DLG2: variants seen among roughly 807,000 people sequenced by gnomAD.
The protein encoded by DLG2 is disks large homolog 2.
In DLG2, 45 loss-of-function variants were observed where a neutral mutation model predicts 132.5. The ratio of observed to expected loss-of-function variants is 0.34; its 90% CI spans 0.27 to 0.44. The LOEUF (loss-of-function observed/expected upper bound fraction) is 0.44, where lower values mean the gene tolerates loss of function less well. Ranked by LOEUF, DLG2 falls within the 20% of genes least tolerant of loss-of-function variation. The pLI is 1.00. For missense variants in DLG2, 1,045 were observed against 1,196.9 expected (o/e 0.87, Z 1.87); for synonymous variants, 424 against 419.6 (o/e 1.01, Z -0.13).
chr11:84,960,494 GGC>G (rs2052391398), intron 6 of DLG2, among the ~76,000 whole-genome samples: 6 of 150,492 alleles, frequency 4.0e-5, no homozygotes, highest in African/African-American at 1.5e-4. Context: ...GGAGTGCACT[GGC>G]GCAATCTCGG....
At chr11:85,196,737 C>T (rs1327592194) in intron 4 of DLG2, among the ~76,000 whole-genome samples, 2 of 152,164 alleles carry the variant, frequency 1.3e-5, no homozygotes, top group African/African-American at 4.8e-5. Flanking sequence ...GCTTTAAGAA[C>T]ATATATCCAC....
intron 19 of DLG2, chr11:83,631,447 T>A (rs2063544707): frequency 6.6e-6 from 1 of 152,050 alleles, no homozygotes; most frequent in South Asian, 2.1e-4. Flanking sequence ...TATTTTTGAG[T>A]CTCATTAAAA....
chr11:84,646,591 C>T (rs2099675224), intron 6 of DLG2, among the ~76,000 whole-genome samples: 1 of 150,440 alleles, frequency 6.6e-6, no homozygotes, highest in African/African-American at 2.4e-5. Flanking sequence ...AACCAGAATC[C>T]AAAGCTTCAT....
intron 22 of DLG2, among the ~76,000 whole-genome samples, chr11:83,482,040 A>G (rs1467362403): frequency 6.6e-6 from 1 of 152,110 alleles, no homozygotes; most frequent in Non-Finnish European, 1.5e-5. Flanking sequence ...TGTCCAGATA[A>G]TGCTGAAATC....
chr11:84,154,501 G>T (rs1596276686), intron 9 of DLG2, among the ~76,000 whole-genome samples: 2 of 152,082 alleles, frequency 1.3e-5, no homozygotes, highest in African/African-American at 4.8e-5. Flanking sequence ...TTTACATACA[G>T]ATAGATACTT....
chr11:85,473,029 G>A (rs1374731179), intron 3 of DLG2, among the ~76,000 whole-genome samples: 1 of 152,238 alleles, frequency 6.6e-6, no homozygotes, highest in Non-Finnish European at 1.5e-5. Context: ...AGTTTTGGGG[G>A]CACCACTGCT....
intron 17 of DLG2, among the ~76,000 whole-genome samples, chr11:83,810,985 T>C (rs564703986): frequency 3.4e-4 from 51 of 152,232 alleles, no homozygotes; most frequent in Non-Finnish European, 5.6e-4. Context: ...GTCCTGACGC[T>C]AACTGGTATT....
intron 9 of DLG2, among the ~76,000 whole-genome samples, chr11:84,144,835 G>T (rs187430396): frequency 2.0e-5 from 3 of 152,266 alleles, no homozygotes; most frequent in Admixed American, 6.5e-5. Flanking sequence ...TTTTTTGCCA[G>T]CCTGAGAGTT....
chr11:85,404,132 A>ACT, intron 3 of DLG2, among the ~76,000 whole-genome samples: 1 of 152,026 alleles, frequency 6.6e-6, no homozygotes, highest in East Asian at 1.9e-4. Flanking sequence ...ATTAGAAGAT[A>ACT]AGGGTAGGAT....
intron 7 of DLG2, among the ~76,000 whole-genome samples, chr11:84,293,162 C>T (rs527885716): frequency 2.0e-5 from 3 of 151,240 alleles, no homozygotes; most frequent in East Asian, 1.9e-4. Context: ...GGGTGTGGGG[C>T]GGGTGGTGTG....
At chr11:84,856,385 C>A (rs577090811) in intron 6 of DLG2, among the ~76,000 whole-genome samples, 11 of 152,200 alleles carry the variant, frequency 7.2e-5, no homozygotes, top group African/African-American at 2.4e-4. Context: ...AGGTTCCCTT[C>A]AGCCACCAGC....
intron 4 of DLG2, among the ~76,000 whole-genome samples, chr11:85,242,439 T>C (rs1360439971): frequency 6.6e-6 from 1 of 151,950 alleles, no homozygotes; most frequent in East Asian, 1.9e-4. Context: ...TTCTTAATTC[T>C]TACTTCTGTG....
At chr11:84,492,356 T>G (rs1331050024) in intron 7 of DLG2, among the ~76,000 whole-genome samples, 1 of 152,002 alleles carries the variant, frequency 6.6e-6, no homozygotes, top group Non-Finnish European at 1.5e-5. Context: ...GTCAGTAGAG[T>G]GGGTGATATA....
In DLG2 at chr11:85,284,639, A is replaced by G. The variant is rs913193374; in HGVS notation, c.186+581T>C. Among the ~76,000 whole-genome samples, 6 of 151,936 alleles carry G rather than the reference A, an allele frequency of 3.9e-5. 1 individual carries two copies. Among genetic ancestry groups the G allele is most frequent in the African/African-American group, 1.4e-4 (6 of 41,392 alleles). On this transcript the variant is annotated intron_variant, in intron 4 of 27. Transcript: ENST00000376104. ...TGTTGATTTTTAACAGTAGTGTCCA[A>G]ACTGTTTGATTCCATAATTCTATTT...
intron 7 of DLG2, among the ~76,000 whole-genome samples, chr11:84,486,355 G>A (rs1324721127): frequency 6.6e-6 from 1 of 152,038 alleles, no homozygotes; most frequent in Non-Finnish European, 1.5e-5. Flanking sequence ...GGTTAGACTT[G>A]GTTGGAATAA....
intron 9 of DLG2, among the ~76,000 whole-genome samples, chr11:84,112,152 G>A (rs1015934284): frequency 1.3e-5 from 2 of 151,358 alleles, no homozygotes; most frequent in Admixed American, 6.6e-5. Context: ...GGCGCCTGCC[G>A]CCACACCCAG....
chr11:84,954,688 C>T (rs148965100), intron 6 of DLG2, among the ~76,000 whole-genome samples: 136 of 152,206 alleles, frequency 8.9e-4, no homozygotes, highest in African/African-American at 1.5e-3. Context: ...ACCTTTGTGA[C>T]GCTTTACTCA....
intron 7 of DLG2, among the ~76,000 whole-genome samples, chr11:84,261,518 G>T (rs1403041352): frequency 6.6e-6 from 1 of 152,088 alleles, no homozygotes; most frequent in African/African-American, 2.4e-5. Flanking sequence ...TATTACTTCA[G>T]ATCACACTGA....
At chr11:85,447,164 A>T (rs111750319) in intron 3 of DLG2, among the ~76,000 whole-genome samples, 206 of 152,278 alleles carry the variant, frequency 1.4e-3, no homozygotes, top group African/African-American at 4.8e-3. Flanking sequence ...AAGTCTTCAA[A>T]CTTCACCCAT....
Sources: allele counts gnomAD v4.1 joint callset (sites outside exome capture counted in the v4.1 genomes callset), GRCh38; gene constraint gnomAD v4.1.1; transcripts MANE v1.5; gene names NCBI Gene and HGNC (gene_info 2026-07-23, HGNC 2026-07-21).